The following IL1RAPL1 variants were observed in gnomAD, a reference collection of about 807,000 sequenced individuals.
IL1RAPL1 encodes interleukin-1 receptor accessory protein-like 1.
A neutral mutation model predicts 48.4 loss-of-function variants in IL1RAPL1; 3 were observed. That is an observed-to-expected ratio of 0.06 (90% CI 0.03 to 0.16). The LOEUF (loss-of-function observed/expected upper bound fraction) is 0.16, where lower values mean the gene tolerates loss of function less well. Among genes scored for constraint, IL1RAPL1 ranks in the 10% least tolerant of loss-of-function variants. The probability of loss-of-function intolerance (pLI) is 1.00; values close to 1 mark genes in which losing one functional copy is unlikely to be tolerated. For synonymous variants in IL1RAPL1, 185 were observed against 187.7 expected (o/e 0.99, Z 0.12); for missense variants, 349 against 530.6 (o/e 0.66, Z 3.36).
At chrX:29,477,826 C>T (rs904850728) in intron 5 of IL1RAPL1, among the ~76,000 whole-genome samples, 2 of 111,072 alleles carry the variant, frequency 1.8e-5, no homozygotes, top group African/African-American at 6.6e-5. Flanking sequence ...AACTTCTGTA[C>T]CAAAAAAATC....
intron 5 of IL1RAPL1, among the ~76,000 whole-genome samples, chrX:29,401,857 A>G (rs936955251): frequency 9.0e-6 from 1 of 111,050 alleles, no homozygotes; most frequent in Admixed American, 9.6e-5. Flanking sequence ...AGTGAAAGGA[A>G]TTATAAACCT....
intron 2 of IL1RAPL1, among the ~76,000 whole-genome samples, chrX:29,150,454 G>A (rs928028502): frequency 1.8e-5 from 2 of 111,293 alleles, no homozygotes; most frequent in South Asian, 7.5e-4. Context: ...TTTAAATACA[G>A]AAATGTGGTG....
intron 6 of IL1RAPL1, among the ~76,000 whole-genome samples, chrX:29,728,198 A>C (rs1356789198): frequency 9.0e-6 from 1 of 111,535 alleles, no homozygotes; most frequent in Non-Finnish European, 1.9e-5. Flanking sequence ...GGCCACCCAA[A>C]GTGCTGGGAT....
At chrX:28,789,486 TACA>T (rs1004446840) in intron 2 of IL1RAPL1, 61 bp downstream of exon 2, 1 of 807,842 alleles carries the variant, frequency 1.2e-6, no homozygotes, top group Non-Finnish European at 1.9e-6. Context: ...GTGCTACATC[TACA>T]CATGTGCCAT....
At chrX:29,662,863 C>T (rs1312968645) in intron 5 of IL1RAPL1, among the ~76,000 whole-genome samples, 1 of 111,777 alleles carries the variant, frequency 8.9e-6, no homozygotes, top group African/African-American at 3.3e-5. Flanking sequence ...CTTTGAGGCT[C>T]CTGAGGCTCC....
chrX:29,215,034 A>G (rs1930839926), intron 2 of IL1RAPL1, among the ~76,000 whole-genome samples: 1 of 111,395 alleles, frequency 9.0e-6, no homozygotes, highest in South Asian at 3.6e-4. Context: ...TATAAATACT[A>G]AAGGCTGTCA....
chrX:28,628,945 A>G (rs1280273075), intron 1 of IL1RAPL1, among the ~76,000 whole-genome samples: 2 of 112,289 alleles, frequency 1.8e-5, no homozygotes, highest in Non-Finnish European at 3.8e-5. Context: ...CTAACTCATT[A>G]AAACTTTTTT....
chrX:29,877,131 C>T (rs1253987270), intron 6 of IL1RAPL1, among the ~76,000 whole-genome samples: 1 of 111,822 alleles, frequency 8.9e-6, no homozygotes, highest in Non-Finnish European at 1.9e-5. Flanking sequence ...CGAAACAGGC[C>T]TGCAAAATCA....
At chrX:28,632,113 A>G (rs1484209228) in intron 1 of IL1RAPL1, among the ~76,000 whole-genome samples, 1 of 112,357 alleles carries the variant, frequency 8.9e-6, no homozygotes, top group Non-Finnish European at 1.9e-5. Context: ...ATACCACAGA[A>G]TGGGTAGTTT....
intron 6 of IL1RAPL1, among the ~76,000 whole-genome samples, chrX:29,767,371 A>T (rs1928940325): frequency 8.9e-6 from 1 of 112,195 alleles, no homozygotes; most frequent in Non-Finnish European, 1.9e-5. Flanking sequence ...CTGGCAAGCT[A>T]TTCTCTTAGT....
intron 1 of IL1RAPL1, among the ~76,000 whole-genome samples, chrX:28,610,031 T>C (rs1191330338): frequency 9.0e-6 from 1 of 111,650 alleles, no homozygotes. Context: ...GGATCTTCAC[T>C]TGTGGATTTT....
chrX:29,797,764 T>C (rs1012998435), intron 6 of IL1RAPL1, among the ~76,000 whole-genome samples: 3 of 111,018 alleles, frequency 2.7e-5, no homozygotes, highest in Non-Finnish European at 5.7e-5. Context: ...TCCCAGCTTC[T>C]TGGGAGGCTG....
chrX:29,453,620 T>C (rs1272471811), intron 5 of IL1RAPL1, among the ~76,000 whole-genome samples: 1 of 111,429 alleles, frequency 9.0e-6, no homozygotes, highest in Non-Finnish European at 1.9e-5. Context: ...TGGCTGCACA[T>C]TGACATCATC....
At chrX:29,333,760 A>AC (rs1357771561) in intron 3 of IL1RAPL1, among the ~76,000 whole-genome samples, 1 of 20,588 alleles carries the variant, frequency 4.9e-5, no homozygotes, top group African/African-American at 1.9e-4. Flanking sequence ...GTGGGGGCTG[A>AC]CCCCCCCCAC....
At chrX:29,680,920 C>G (rs1372383157) in intron 6 of IL1RAPL1, among the ~76,000 whole-genome samples, 2 of 111,917 alleles carry the variant, frequency 1.8e-5, no homozygotes, top group African/African-American at 6.5e-5. Flanking sequence ...CTCTTCCAGC[C>G]TTAAACCTAA....
rs1378546652 is a variant in IL1RAPL1 at position 29,803,083 on chromosome X, G to GTA, written c.779-114380_779-114379insAT. Among the ~76,000 whole-genome samples the GTA allele has an allele frequency of 1.1e-3, 91 of 86,272 alleles. 7 individuals are homozygous for GTA. The highest frequency in any genetic ancestry group is 3.9e-3 in the African/African-American group (88 of 22,542). 74.9% of individuals were successfully genotyped at this position (86,272 alleles called of 115,157 possible). ...TATATGTATGCATGTATACATATAT[G>GTA]TGTATATGTATACATGTATACATAT... is the stretch of plus-strand genomic sequence containing the variant. On this transcript the variant is annotated intron_variant, in intron 6 of 10. Coordinates refer to ENST00000378993, the MANE Select transcript of IL1RAPL1 (RefSeq NM_014271.4).
chrX:29,681,914 TAAA>T (rs11392819), intron 6 of IL1RAPL1, among the ~76,000 whole-genome samples: 11 of 105,122 alleles, frequency 1.0e-4, no homozygotes. Context: ...CTTTGTAAAT[TAAA>T]AAAAAAAATT....
In IL1RAPL1 at chrX:29,739,171, C is replaced by G. The variant is rs1032442414; in HGVS notation, c.778+70667C>G. Among the ~76,000 whole-genome samples the G allele has an allele frequency of 2.7e-5, 3 of 112,540 alleles. No homozygotes were observed. The East Asian group carries it at 8.4e-4, about 31-fold the overall frequency. ...TAAAGTGCCCGGCTCAGTCCCACGTCTGGCTCTAGATTCCTTTTTAGTTCT... is the reference window on the plus strand; with the variant it reads ...TAAAGTGCCCGGCTCAGTCCCACGTGTGGCTCTAGATTCCTTTTTAGTTCT... On this transcript the variant is annotated intron_variant, in intron 6 of 10. Transcript: ENST00000378993.
chrX:29,347,071 C>G (rs1013116917), intron 3 of IL1RAPL1, among the ~76,000 whole-genome samples: 4 of 111,118 alleles, frequency 3.6e-5, no homozygotes, highest in African/African-American at 6.5e-5. Flanking sequence ...CAGTCTCCCC[C>G]ACCCCTTATT....
Sources: allele counts gnomAD v4.1 joint callset (sites outside exome capture counted in the v4.1 genomes callset), GRCh38; gene constraint gnomAD v4.1.1; transcripts MANE v1.5; gene names NCBI Gene and HGNC (gene_info 2026-07-23, HGNC 2026-07-21).